Variants in ZNF354B observed in about 807,000 individuals in gnomAD.
ZNF354B encodes the protein zinc finger protein 354B.
ZNF354B carries 10 observed loss-of-function variants against 12.9 expected under a neutral mutation model. The observed-to-expected ratio is 0.77, with a 90% confidence interval of 0.48 to 1.31. The LOEUF (loss-of-function observed/expected upper bound fraction) is 1.31, where lower values mean the gene tolerates loss of function less well. Ranked by LOEUF, ZNF354B falls within the 40% of genes most tolerant of loss-of-function variation. The pLI, the probability that ZNF354B is intolerant of heterozygous loss-of-function variation, is 0.00. For synonymous variants in ZNF354B, 260 were observed against 243.7 expected (o/e 1.07, Z -0.62); for missense variants, 614 against 711.7 (o/e 0.86, Z 1.56).
intron 4 of ZNF354B, 131 bp from the exon 5 acceptor site, chr5:178,882,578 T>C: frequency 1.1e-6 from 1 of 876,870 alleles, no homozygotes; most frequent in East Asian, 2.9e-5. Flanking sequence ...TTATATAGTG[T>C]TTTTTAGAAT....
In ZNF354B at chr5:178,884,196, G is replaced by C; in HGVS notation, c.1744G>C (p.Ala582Pro). The change falls in exon 5 of 5, where the codon GCA becomes CCA. Residue 582 changes from alanine (A) to proline (P), a missense_variant. By Grantham distance (27) the Ala-to-Pro change is conservative. Transcript: ENST00000322434. ...HTGEKPYECN[A>P]CGKLFSQRSS... Reference sequence around the variant, plus strand: ...TGGAGAGAAACCCTATGAATGTAATGCATGTGGGAAACTCTTTAGCCAGAG... The same window carrying C: ...TGGAGAGAAACCCTATGAATGTAATCCATGTGGGAAACTCTTTAGCCAGAG... The C allele has an allele frequency of 6.2e-7, 1 of 1,613,926 alleles. No homozygotes were observed. The highest frequency in any genetic ancestry group is 8.5e-7 in the Non-Finnish European group (1 of 1,179,892).
At chr5:178,871,853 T>C (rs567697771) in intron 4 of ZNF354B, among the ~76,000 whole-genome samples, 1 of 152,316 alleles carries the variant, frequency 6.6e-6, no homozygotes, top group African/African-American at 2.4e-5. Context: ...GGAGATTAGA[T>C]TTGGAGGATG....
chr5:178,878,407 T>TA (rs1199551766), intron 4 of ZNF354B, among the ~76,000 whole-genome samples: 2 of 152,002 alleles, frequency 1.3e-5, no homozygotes, highest in African/African-American at 4.8e-5. Context: ...AAGTTACAGT[T>TA]ATGAAGTTAA....
chr5:178,883,978 T>A lies in ZNF354B; in HGVS notation c.1526T>A (p.Leu509His). The A allele has an allele frequency of 6.2e-7, 1 of 1,614,130 alleles. No individual in the cohort carries two copies. The highest frequency in any genetic ancestry group is 8.5e-7 in the Non-Finnish European group (1 of 1,179,996). The change falls in exon 5 of 5, where the codon CTT (leucine) becomes CAT (histidine). Residue 509 changes from leucine (L) to histidine (H), a missense_variant. Leu to His is a moderately conservative substitution (Grantham distance 99, BLOSUM62 -3). Transcript: ENST00000322434. ...AAAACATTCAGGTGTAACTCATCGC[T>A]TAGTAATCACCAGAGAATTCATACT... The part of the protein sequence containing the change: ...CDKTFRCNSS[L>H]SNHQRIHTGE...
chr5:178,862,545 A>C (rs1757375395), intron 2 of ZNF354B, among the ~76,000 whole-genome samples: 2 of 151,210 alleles, frequency 1.3e-5, no homozygotes, highest in Admixed American at 1.3e-4. Flanking sequence ...TTTTTTTTGT[A>C]TTTTAGTAGA....
At chr5:178,869,836 CCTAGGGTGCTGACGTGCTTGCATCT>C (rs1757534775) in intron 4 of ZNF354B, among the ~76,000 whole-genome samples, 1 of 152,104 alleles carries the variant, frequency 6.6e-6, no homozygotes, top group South Asian at 2.1e-4. Flanking sequence ...AGATGGCATT[CCTAGGGTGCTGACGTGCTTGCATCT>C]CTGCTGCACC....
intron 2 of ZNF354B, among the ~76,000 whole-genome samples, chr5:178,861,624 C>A (rs1019762377): frequency 1.1e-4 from 16 of 151,870 alleles, no homozygotes; most frequent in Non-Finnish European, 2.2e-4. Flanking sequence ...CTAGTTGAGA[C>A]GAGAGTGAAC....
intron 4 of ZNF354B, among the ~76,000 whole-genome samples, chr5:178,873,496 C>T (rs979947450): frequency 4.6e-5 from 7 of 152,138 alleles, no homozygotes; most frequent in African/African-American, 1.4e-4. Flanking sequence ...TTTTTGCATG[C>T]GAATCTTCAG....
intron 2 of ZNF354B, among the ~76,000 whole-genome samples, chr5:178,864,855 T>G (rs2114007921): frequency 6.6e-6 from 1 of 152,174 alleles, no homozygotes; most frequent in Middle Eastern, 3.4e-3. Context: ...ACTCCTGAGC[T>G]CAGGCAGTCC....
At chr5:178,865,937 T>G (rs1480385103) in intron 2 of ZNF354B, among the ~76,000 whole-genome samples, 2 of 152,188 alleles carry the variant, frequency 1.3e-5, no homozygotes, top group Admixed American at 1.3e-4. Flanking sequence ...AGTTAAAGAT[T>G]ATACATAGTT....
chr5:178,861,827 T>C (rs1378561212), intron 2 of ZNF354B, among the ~76,000 whole-genome samples: 1 of 152,208 alleles, frequency 6.6e-6, no homozygotes, highest in Non-Finnish European at 1.5e-5. Flanking sequence ...CACCTCTCTG[T>C]GCCTCAGTTT....
At position 178,884,032 on chromosome 5, in the gene ZNF354B, G is replaced by T. The variant is rs765687776; in HGVS notation, c.1580G>T (p.Cys527Phe). The T allele has an allele frequency of 1.2e-6, 2 of 1,614,156 alleles. No individual in the cohort carries two copies. Among genetic ancestry groups the T allele is most frequent in the Admixed American group, 1.7e-5 (1 of 60,024 alleles). Residue 527 changes from cysteine (C) to phenylalanine (F), a missense_variant, in exon 5 of 5, where the codon TGT becomes TTT. Cys to Phe is a radical substitution (Grantham distance 205, BLOSUM62 -2). Coordinates refer to ENST00000322434, the MANE Select transcript of ZNF354B (RefSeq NM_058230.3). Reference protein sequence around the residue: ...TGEKPYRCLECGMSFGQSAAL... With the variant: ...TGEKPYRCLEFGMSFGQSAAL... ...GAGAAACCATATCGATGTTTAGAAT[G>T]TGGGATGTCTTTTGGCCAAAGTGCA...
intron 1 of ZNF354B, among the ~76,000 whole-genome samples, chr5:178,860,406 C>A (rs1375096878): frequency 1.4e-5 from 2 of 147,984 alleles, no homozygotes; most frequent in African/African-American, 4.9e-5. Context: ...GGACTCGGGG[C>A]GCCGGGACCC....
chr5:178,865,852 T>C (rs551733042), intron 2 of ZNF354B, among the ~76,000 whole-genome samples: 7 of 152,308 alleles, frequency 4.6e-5, no homozygotes, highest in African/African-American at 1.7e-4. Flanking sequence ...GTTTCCTGTT[T>C]TTTTTTGCTA....
intron 4 of ZNF354B, among the ~76,000 whole-genome samples, chr5:178,874,168 G>C: frequency 6.6e-6 from 1 of 152,054 alleles, no homozygotes; most frequent in Non-Finnish European, 1.5e-5. Flanking sequence ...TTTTGGCCAG[G>C]CTGGTCTCGA....
At chr5:178,870,949 C>T (rs180683157) in intron 4 of ZNF354B, among the ~76,000 whole-genome samples, 6 of 152,146 alleles carry the variant, frequency 3.9e-5, no homozygotes, top group Non-Finnish European at 5.9e-5. Context: ...CCTGAACCAC[C>T]GCACCTACCC....
rs184335445 is a variant in ZNF354B, at chr5:178,867,087, G to A, written c.256+16G>A. The A allele has an allele frequency of 1.5e-5, 24 of 1,607,232 alleles. No homozygotes were observed. The highest frequency in any genetic ancestry group is 1.2e-4 in the Admixed American group (7 of 59,992). On this transcript the variant is annotated intron_variant, in intron 4 of 4. Transcript: ENST00000322434. ...TCCTCTCTAGGTAAGTGGGTGGCCC[G>A]AGGTGCTCGGGAATGGCCGCAGACA... is the stretch of plus-strand genomic sequence containing the variant.
chr5:178,861,304 T>C (rs1389051423), intron 2 of ZNF354B, among the ~76,000 whole-genome samples: 1 of 151,770 alleles, frequency 6.6e-6, no homozygotes, highest in African/African-American at 2.4e-5. Flanking sequence ...TCATCCATTG[T>C]GTGACTAGTT....
chr5:178,881,426 T>A (rs565609652), intron 4 of ZNF354B, among the ~76,000 whole-genome samples: 47 of 152,198 alleles, frequency 3.1e-4, no homozygotes, highest in Non-Finnish European at 4.6e-4. Flanking sequence ...TGCACTGACA[T>A]TTGTATAATG....
Sources: gnomAD v4.1 joint callset for allele counts (sites outside exome capture counted in the v4.1 genomes callset) on GRCh38, gnomAD v4.1.1 for gene constraint, MANE v1.5 for transcripts, NCBI Gene and HGNC (gene_info 2026-07-23, HGNC 2026-07-21) for gene names.